Variants in NCKAP5 observed in about 807,000 individuals in gnomAD.
NCKAP5 encodes nck-associated protein 5.
Under a neutral mutation model 167.0 loss-of-function variants are expected in NCKAP5, and 92 were observed. The observed-to-expected ratio is 0.55, with a 90% confidence interval of 0.47 to 0.66. NCKAP5 has a LOEUF of 0.66. NCKAP5 is among the 30% of genes least tolerant of loss of function. The pLI is 0.00. For synonymous variants in NCKAP5, 891 were observed against 877.4 expected, an observed-to-expected ratio of 1.02 and a Z score of -0.27; for missense variants, 2,378 against 2,315.0, an observed-to-expected ratio of 1.03 and a Z score of -0.56.
chr2:132,674,370 G>T (rs1354847681), intron 19 of NCKAP5, among the ~76,000 whole-genome samples: 1 of 152,176 alleles, frequency 6.6e-6, no homozygotes, highest in East Asian at 1.9e-4. Context: ...TTTGCCCAAG[G>T]TTGCCCAGCA....
intron 2 of NCKAP5, among the ~76,000 whole-genome samples, chr2:133,526,279 AGG>A (rs1558755614): frequency 2.4e-5 from 1 of 41,364 alleles, no homozygotes; most frequent in Non-Finnish European, 4.2e-5. Flanking sequence ...GAGGGAGGGA[AGG>A]AGGGAGGGAG....
chr2:133,167,642 C>A (rs1199658806), intron 5 of NCKAP5, among the ~76,000 whole-genome samples: 1 of 152,114 alleles, frequency 6.6e-6, no homozygotes, highest in African/African-American at 2.4e-5. Flanking sequence ...TCAACTGCAC[C>A]ATGATACCCT....
At chr2:133,094,400 T>C (rs2081283213) in intron 6 of NCKAP5, among the ~76,000 whole-genome samples, 1 of 152,164 alleles carries the variant, frequency 6.6e-6, no homozygotes, top group Admixed American at 6.6e-5. Context: ...AATTCCTTTG[T>C]TAAATAATTA....
At chr2:132,848,586 T>C (rs987410923) in intron 11 of NCKAP5, among the ~76,000 whole-genome samples, 2 of 152,236 alleles carry the variant, frequency 1.3e-5, no homozygotes, top group Non-Finnish European at 2.9e-5. Context: ...ATATCTATTA[T>C]AAAATATGAT....
intron 5 of NCKAP5, among the ~76,000 whole-genome samples, chr2:133,171,636 T>G (rs2084253871): frequency 1.3e-5 from 2 of 152,154 alleles, no homozygotes; most frequent in Admixed American, 6.5e-5. Flanking sequence ...AATAAAATCA[T>G]CTCAAAGGAG....
rs147627884 is a variant in NCKAP5 at position 133,508,961 on chromosome 2, T to C, written c.69+8497A>G. On this transcript the variant is annotated intron_variant, in intron 3 of 19. Coordinates refer to ENST00000409261, the MANE Select transcript of NCKAP5 (RefSeq NM_207363.3). ...AATGTGTCCAGTTCCTGTTTTTATG[T>C]AGTGATCTCAGCGACAACAAGGATG... Among the ~76,000 whole-genome samples the C allele has an allele frequency of 1.2e-3, 179 of 152,350 alleles. 1 individual carries two copies. The highest frequency in any genetic ancestry group is 4.2e-3 in the African/African-American group (175 of 41,590).
At chr2:132,741,778 C>T (rs1306868374) in intron 16 of NCKAP5, among the ~76,000 whole-genome samples, 1 of 152,050 alleles carries the variant, frequency 6.6e-6, no homozygotes, top group East Asian at 1.9e-4. Flanking sequence ...GAAGAAATGC[C>T]AACTTATCTA....
At chr2:132,706,702 A>G (rs2105287947) in intron 19 of NCKAP5, among the ~76,000 whole-genome samples, 1 of 152,110 alleles carries the variant, frequency 6.6e-6, no homozygotes, top group South Asian at 2.1e-4. Flanking sequence ...GCTCCTTTCT[A>G]TGTAATTATA....
the NCKAP5 span, among the ~76,000 whole-genome samples, chr2:133,607,211 G>A: frequency 4.6e-5 from 7 of 152,096 alleles, no homozygotes; most frequent in South Asian, 2.1e-4. Context: ...CCAAAGAGTC[G>A]TTTCCAGGTT....
intron 3 of NCKAP5, among the ~76,000 whole-genome samples, chr2:133,425,634 A>G (rs567144138): frequency 9.2e-5 from 14 of 152,370 alleles, no homozygotes; most frequent in Non-Finnish European, 1.9e-4. Flanking sequence ...GAGAACTGCA[A>G]TAGTATGAAG....
chr2:133,113,975 T>C (rs2081996942), intron 6 of NCKAP5, among the ~76,000 whole-genome samples: 1 of 152,210 alleles, frequency 6.6e-6, no homozygotes, highest in Non-Finnish European at 1.5e-5. Context: ...GCCTTCCAGG[T>C]CATGATGAAG....
intron 2 of NCKAP5, among the ~76,000 whole-genome samples, chr2:133,518,486 C>T (rs1478376545): frequency 2.8e-5 from 4 of 142,782 alleles, no homozygotes; most frequent in African/African-American, 4.9e-5. Flanking sequence ...TCCCGAGTAG[C>T]TGGGACTACA....
chr2:133,087,305 T>C (rs1435632386), intron 6 of NCKAP5, among the ~76,000 whole-genome samples: 4 of 152,196 alleles, frequency 2.6e-5, no homozygotes, highest in Non-Finnish European at 5.9e-5. Flanking sequence ...ACAAATCCAA[T>C]GACAAAGTAA....
intron 4 of NCKAP5, among the ~76,000 whole-genome samples, chr2:133,286,763 A>C (rs900560233): frequency 6.6e-6 from 1 of 152,200 alleles, no homozygotes; most frequent in Non-Finnish European, 1.5e-5. Flanking sequence ...AAGTTGTATG[A>C]GGACCAATGA....
At chr2:133,526,654 C>T (rs905958919) in intron 2 of NCKAP5, among the ~76,000 whole-genome samples, 1 of 152,200 alleles carries the variant, frequency 6.6e-6, no homozygotes, top group East Asian at 1.9e-4. Flanking sequence ...CTTCTCAAAC[C>T]ATCTGTTCCT....
At chr2:132,850,689 C>T (rs931179240) in intron 11 of NCKAP5, among the ~76,000 whole-genome samples, 1 of 152,158 alleles carries the variant, frequency 6.6e-6, no homozygotes, top group Non-Finnish European at 1.5e-5. Flanking sequence ...CTTAGTACAG[C>T]ACATGTTAAC....
intron 6 of NCKAP5, among the ~76,000 whole-genome samples, chr2:133,025,798 T>G (rs1254490514): frequency 6.6e-6 from 1 of 152,186 alleles, no homozygotes; most frequent in Non-Finnish European, 1.5e-5. Flanking sequence ...ATGATGAGAC[T>G]GCCCAGAAAG....
intron 5 of NCKAP5, among the ~76,000 whole-genome samples, chr2:133,163,715 C>T (rs2083891100): frequency 6.6e-6 from 1 of 151,346 alleles, no homozygotes; most frequent in South Asian, 2.1e-4. Flanking sequence ...TAAACTTTTT[C>T]CATGTTCCCG....
At chr2:133,333,672 C>T (rs1207351809) in intron 3 of NCKAP5, among the ~76,000 whole-genome samples, 1 of 152,152 alleles carries the variant, frequency 6.6e-6, no homozygotes, top group Non-Finnish European at 1.5e-5. Context: ...ATATATAAGT[C>T]CTTAGAGCCA....
Sources: gnomAD v4.1 joint callset for allele counts (sites outside exome capture counted in the v4.1 genomes callset) on GRCh38, gnomAD v4.1.1 for gene constraint, MANE v1.5 for transcripts, NCBI Gene and HGNC (gene_info 2026-07-23, HGNC 2026-07-21) for gene names.